TAF4B: variants seen among roughly 807,000 people sequenced by gnomAD.
The protein encoded by TAF4B is transcription initiation factor TFIID subunit 4B.
Under a neutral mutation model 86.4 loss-of-function variants are expected in TAF4B, and 38 were observed. The observed-to-expected ratio is 0.44, with a 90% CI of 0.34 to 0.58. TAF4B has a LOEUF of 0.58. Among genes scored for constraint, TAF4B ranks in the 20% least tolerant of loss-of-function variants. The pLI, the probability that TAF4B is intolerant of heterozygous loss-of-function variation, is 0.02. For synonymous variants in TAF4B, 388 were observed against 391.2 expected (o/e 0.99, Z 0.10); for missense variants, 988 against 1,027.6 (o/e 0.96, Z 0.53).
At chr18:26,227,873 C>T (rs2055602816) in intron 1 of TAF4B, among the ~76,000 whole-genome samples, 2 of 152,210 alleles carry the variant, frequency 1.3e-5, no homozygotes, top group Admixed American at 1.3e-4. Context: ...TTAACCAAGT[C>T]AGAATCGGTT....
chr18:26,307,078 C>T (rs1400449254), intron 9 of TAF4B, among the ~76,000 whole-genome samples: 1 of 152,056 alleles, frequency 6.6e-6, no homozygotes, highest in African/African-American at 2.4e-5. Flanking sequence ...CATGAGCCAC[C>T]GTGCCCAGCC....
intron 1 of TAF4B, among the ~76,000 whole-genome samples, chr18:26,232,307 G>C (rs955882479): frequency 2.6e-5 from 4 of 152,074 alleles, no homozygotes; most frequent in Non-Finnish European, 4.4e-5. Flanking sequence ...GGATAGGGGC[G>C]AAGAAGGGGC....
chr18:26,336,837 C>T (rs1045932431), intron 13 of TAF4B, among the ~76,000 whole-genome samples: 1 of 152,164 alleles, frequency 6.6e-6, no homozygotes, highest in African/African-American at 2.4e-5. Flanking sequence ...TTTAACCTTA[C>T]CCTGTCTGTT....
chr18:26,262,276 ATTGGGAGG>A (rs111926011), intron 1 of TAF4B, among the ~76,000 whole-genome samples: 12,624 of 151,886 alleles, frequency 0.083, 592 homozygotes, highest in Middle Eastern at 0.13. Flanking sequence ...ATAGCCTTAG[ATTGGGAGG>A]TTAGGAGAGA....
intron 1 of TAF4B, among the ~76,000 whole-genome samples, 191 bp from the exon 2 acceptor site, chr18:26,264,979 A>G (rs2056218145): frequency 6.6e-6 from 1 of 152,238 alleles, no homozygotes; most frequent in Non-Finnish European, 1.5e-5. Context: ...TTATATTCAT[A>G]GATTTTAAAT....
intron 5 of TAF4B, among the ~76,000 whole-genome samples, chr18:26,280,881 C>G (rs1454348700): frequency 2.0e-5 from 3 of 152,002 alleles, no homozygotes; most frequent in Non-Finnish European, 4.4e-5. Context: ...TCAAAACAGC[C>G]AAGACATGGA....
At position 26,285,222 on chromosome 18, in the gene TAF4B, G is replaced by GTTTTTGTTTTTGTTTTTGTTTTTTTTTT; in HGVS notation, c.973-655_973-654insGTTTTTGTTTTTGTTTTTTTTTTTTTTT. On this transcript the variant is annotated intron_variant, in intron 6 of 14. Coordinates refer to ENST00000269142, the MANE Select transcript of TAF4B (RefSeq NM_005640.3). The stretch of plus-strand genomic sequence containing the variant: ...ATTTCTTCCTTTCCTTTTTTTTTTT[G>GTTTTTGTTTTTGTTTTTGTTTTTTTTTT]TTTTTTTTTTTTTTGGAGATGGGGT... 1.1e-4 allele frequency among the ~76,000 whole-genome samples: 5 copies of GTTTTTGTTTTTGTTTTTGTTTTTTTTTT among 45,660 alleles called. 2 individuals are homozygous for GTTTTTGTTTTTGTTTTTGTTTTTTTTTT. Among genetic ancestry groups the GTTTTTGTTTTTGTTTTTGTTTTTTTTTT allele is most frequent in the Non-Finnish European group, 1.3e-4 (3 of 22,272 alleles). The allele number at this position is 45,660 out of a possible 152,430, so 30.0% of individuals were successfully genotyped here.
At chr18:26,304,722 T>G (rs2056776680) in intron 9 of TAF4B, 1 of 985,310 alleles carries the variant, frequency 1.0e-6, no homozygotes, top group Admixed American at 6.1e-5. Flanking sequence ...CAATTCTTCC[T>G]TTAGGATATG....
chr18:26,326,718 G>A (rs1267175369), intron 11 of TAF4B, among the ~76,000 whole-genome samples: 1 of 152,062 alleles, frequency 6.6e-6, no homozygotes, highest in Non-Finnish European at 1.5e-5. Flanking sequence ...CCTATTGTTG[G>A]AAGGATCTGC....
chr18:26,320,336 G>A (rs1490771202), intron 10 of TAF4B, among the ~76,000 whole-genome samples: 2 of 152,098 alleles, frequency 1.3e-5, no homozygotes, highest in Non-Finnish European at 1.5e-5. Context: ...TTTAAATTAC[G>A]GACAAGGTTG....
chr18:26,335,071 G>A, intron 12 of TAF4B, 104 bp from the exon 13 acceptor site: 1 of 829,984 alleles, frequency 1.2e-6, no homozygotes, highest in Non-Finnish European at 1.9e-6. Flanking sequence ...CTGGAGCTAA[G>A]ATATTCAATC....
At chr18:26,283,300 T>C (rs967090321) in intron 6 of TAF4B, among the ~76,000 whole-genome samples, 2 of 152,188 alleles carry the variant, frequency 1.3e-5, no homozygotes, top group African/African-American at 2.4e-5. Flanking sequence ...CTCCTTGATA[T>C]ATGTGGGCTG....
intron 1 of TAF4B, among the ~76,000 whole-genome samples, chr18:26,238,831 C>T (rs2055791051): frequency 6.6e-6 from 1 of 152,122 alleles, no homozygotes; most frequent in South Asian, 2.1e-4. Context: ...TGAGATAGAA[C>T]ATGCGGTGTT....
intron 9 of TAF4B, chr18:26,304,648 C>T (rs1451936076): frequency 2.3e-6 from 2 of 884,728 alleles, no homozygotes; most frequent in African/African-American, 1.8e-5. Context: ...ACCCAGGAGT[C>T]TCAGATACAC....
At chr18:26,350,355 C>CA (rs532666638) in intron 13 of TAF4B, among the ~76,000 whole-genome samples, 108 of 152,176 alleles carry the variant, frequency 7.1e-4, no homozygotes, top group Non-Finnish European at 1.3e-3. Context: ...ATCTCAACAG[C>CA]AAAAAAATCA....
At chr18:26,305,587 A>G (rs1452486152) in intron 9 of TAF4B, among the ~76,000 whole-genome samples, 3 of 152,060 alleles carry the variant, frequency 2.0e-5, no homozygotes, top group African/African-American at 7.2e-5. Context: ...TTGTATTTTT[A>G]GTAGAGACGG....
chr18:26,301,732 C>T (rs974886129), intron 9 of TAF4B, among the ~76,000 whole-genome samples: 18 of 152,174 alleles, frequency 1.2e-4, no homozygotes, highest in Non-Finnish European at 2.4e-4. Flanking sequence ...GTATGAAAAA[C>T]ATTGGTAAAT....
At chr18:26,358,645 G>C (rs554500047) in intron 14 of TAF4B, among the ~76,000 whole-genome samples, 4 of 152,210 alleles carry the variant, frequency 2.6e-5, no homozygotes, top group Non-Finnish European at 4.4e-5. Context: ...GGAAGGCGGA[G>C]GTTACAGTTT....
intron 1 of TAF4B, among the ~76,000 whole-genome samples, chr18:26,264,007 A>G (rs1024985066): frequency 6.6e-6 from 1 of 152,242 alleles, no homozygotes; most frequent in Admixed American, 6.5e-5. Flanking sequence ...AAAGAAGCTG[A>G]GGCAGAATTA....
Sources: allele counts gnomAD v4.1 joint callset (sites outside exome capture counted in the v4.1 genomes callset), GRCh38; gene constraint gnomAD v4.1.1; transcripts MANE v1.5; gene names NCBI Gene and HGNC (gene_info 2026-07-23, HGNC 2026-07-21).